WASF3: variants seen among roughly 807,000 people sequenced by gnomAD.
WASF3 encodes the protein actin-binding protein WASF3.
In WASF3, 11 loss-of-function variants were observed where a neutral mutation model predicts 46.6. The observed-to-expected ratio is 0.24, with a 90% CI of 0.15 to 0.39. The LOEUF (loss-of-function observed/expected upper bound fraction) is 0.39, where lower values mean the gene tolerates loss of function less well. Among genes scored for constraint, WASF3 ranks in the 10% least tolerant of loss-of-function variants. The pLI, the probability that WASF3 is intolerant of heterozygous loss-of-function variation, is 1.00. For synonymous variants in WASF3, 242 were observed against 259.7 expected (o/e 0.93, Z 0.65); for missense variants, 576 against 669.8 (o/e 0.86, Z 1.55).
intron 1 of WASF3, among the ~76,000 whole-genome samples, chr13:26,590,180 G>A (rs1365674644): frequency 2.6e-5 from 4 of 152,046 alleles, no homozygotes; most frequent in Non-Finnish European, 5.9e-5. Context: ...TTCCCATCGC[G>A]CTAATTTCCA....
At chr13:26,558,057 C>T (rs922628638) in intron 1 of WASF3, among the ~76,000 whole-genome samples, 1 of 151,594 alleles carries the variant, frequency 6.6e-6, no homozygotes, top group Admixed American at 6.6e-5. Context: ...GGCTTCTCGC[C>T]GTCACGGCGC....
intron 1 of WASF3, chr13:26,577,540 G>A: frequency 1.5e-6 from 2 of 1,331,204 alleles, no homozygotes; most frequent in East Asian, 4.6e-5. Context: ...AAATGCTGAA[G>A]AAGCCCAAGT....
intron 1 of WASF3, among the ~76,000 whole-genome samples, chr13:26,591,165 G>A (rs879337868): frequency 2.0e-5 from 3 of 151,970 alleles, no homozygotes; most frequent in Non-Finnish European, 4.4e-5. Flanking sequence ...GAGAGTAAGA[G>A]ATGAGGACAG....
intron 1 of WASF3, among the ~76,000 whole-genome samples, chr13:26,568,307 G>A (rs550196171): frequency 9.9e-5 from 15 of 152,156 alleles, no homozygotes; most frequent in Non-Finnish European, 1.8e-4. Flanking sequence ...TAGGCATTGC[G>A]AAGTGCTGTG....
At chr13:26,548,348 A>G in the WASF3 span, among the ~76,000 whole-genome samples, 1 of 152,176 alleles carries the variant, frequency 6.6e-6, no homozygotes, top group Non-Finnish European at 1.5e-5. Flanking sequence ...CCGAAGGTCA[A>G]TGATCAACTC....
At chr13:26,644,308 A>G (rs1882085136) in intron 3 of WASF3, among the ~76,000 whole-genome samples, 1 of 152,238 alleles carries the variant, frequency 6.6e-6, no homozygotes, top group Non-Finnish European at 1.5e-5. Context: ...ACTGTAGGAT[A>G]GTAATTGGTG....
rs183521743 is a variant in WASF3, at chr13:26,577,415, A to G, written c.-109+19596A>G. The stretch of plus-strand genomic sequence containing the variant: ...GGAAATCAAGACCCGGGAGGTGCAG[A>G]AAAATGACTTGAAAGAAGTGGTCAA... On this transcript the variant is annotated intron_variant, in intron 1 of 9. Coordinates refer to ENST00000335327, the MANE Select transcript of WASF3 (RefSeq NM_006646.6). 9.3e-5 allele frequency: 73 copies of G among 787,814 alleles called. No individual in the cohort carries two copies. The Admixed American group carries it at 1.0e-3, about 11-fold the overall frequency. The allele number at this position is 787,814 out of a possible 1,614,324, so 48.8% of individuals were successfully genotyped here.
chr13:26,637,114 C>G (rs1881850685), intron 2 of WASF3, among the ~76,000 whole-genome samples: 2 of 152,208 alleles, frequency 1.3e-5, no homozygotes, highest in Non-Finnish European at 1.5e-5. Context: ...AGGCCCAGCA[C>G]TTTCACAGCT....
intron 1 of WASF3, among the ~76,000 whole-genome samples, chr13:26,567,969 A>C (rs980440252): frequency 7.9e-5 from 12 of 152,024 alleles, no homozygotes; most frequent in African/African-American, 2.9e-4. Flanking sequence ...CAGCTAGGCA[A>C]ATATTTTGGG....
intron 3 of WASF3, among the ~76,000 whole-genome samples, chr13:26,647,351 A>G (rs1593168508): frequency 6.6e-6 from 1 of 152,158 alleles, no homozygotes; most frequent in East Asian, 1.9e-4. Context: ...CCGCTTGGCA[A>G]ACAGTTTTAG....
intron 4 of WASF3, 34 bp from the exon 5 acceptor site, chr13:26,667,483 A>C (rs369038974): frequency 6.3e-7 from 1 of 1,585,448 alleles, no homozygotes; most frequent in East Asian, 2.2e-5. Flanking sequence ...AAATATTTCT[A>C]TATAACTCAA....
At chr13:26,561,522 T>C (rs1349159802) in intron 1 of WASF3, among the ~76,000 whole-genome samples, 1 of 152,138 alleles carries the variant, frequency 6.6e-6, no homozygotes, top group Non-Finnish European at 1.5e-5. Context: ...TTGGCTGCAC[T>C]AGGGATCCAG....
chr13:26,642,639 A>C (rs1011133456), intron 3 of WASF3, among the ~76,000 whole-genome samples: 14 of 152,224 alleles, frequency 9.2e-5, no homozygotes, highest in African/African-American at 3.4e-4. Context: ...ATGAGATCAA[A>C]TGTACAGATT....
chr13:26,627,046 A>G (rs1017230580), intron 2 of WASF3, among the ~76,000 whole-genome samples: 1 of 152,184 alleles, frequency 6.6e-6, no homozygotes, highest in Non-Finnish European at 1.5e-5. Flanking sequence ...CATTGATATG[A>G]TTTTGAAATT....
chr13:26,563,088 C>T (rs1222301187), intron 1 of WASF3, among the ~76,000 whole-genome samples: 3 of 151,376 alleles, frequency 2.0e-5, no homozygotes, highest in Non-Finnish European at 1.5e-5. Context: ...GTCTCCAGGT[C>T]GTGATGTCTT....
At chr13:26,540,689 C>G in the WASF3 span, among the ~76,000 whole-genome samples, 5 of 152,244 alleles carry the variant, frequency 3.3e-5, no homozygotes, top group African/African-American at 4.8e-5. Flanking sequence ...AAGACCATGT[C>G]TCTGCTCCTG....
At chr13:26,577,179 T>C in intron 1 of WASF3, 1 of 753,580 alleles carries the variant, frequency 1.3e-6, no homozygotes, top group East Asian at 2.4e-5. Flanking sequence ...ACTTCCTAAC[T>C]TCCTTGGCAT....
At chr13:26,567,791 G>A (rs969066184) in intron 1 of WASF3, among the ~76,000 whole-genome samples, 2 of 151,924 alleles carry the variant, frequency 1.3e-5, no homozygotes, top group African/African-American at 4.8e-5. Context: ...GTATGTGTGT[G>A]CGTGTATTTA....
intron 1 of WASF3, among the ~76,000 whole-genome samples, chr13:26,587,068 A>G (rs1387943546): frequency 2.2e-5 from 3 of 136,894 alleles, no homozygotes; most frequent in African/African-American, 5.5e-5. Context: ...GTGCCACTAC[A>G]CTGTAGCCTG....
Sources: gnomAD v4.1 joint callset for allele counts (sites outside exome capture counted in the v4.1 genomes callset) on GRCh38, gnomAD v4.1.1 for gene constraint, MANE v1.5 for transcripts, NCBI Gene and HGNC (gene_info 2026-07-23, HGNC 2026-07-21) for gene names.